Variants in DENND5B observed in about 807,000 individuals in gnomAD.
DENND5B encodes DENN domain-containing protein 5B.
DENND5B carries 34 observed loss-of-function variants against 140.6 expected under a neutral mutation model. That is an observed-to-expected ratio of 0.24 (90% CI 0.18 to 0.32). DENND5B has a LOEUF of 0.32. Ranked by LOEUF, DENND5B falls within the 10% of genes least tolerant of loss-of-function variation. The probability of loss-of-function intolerance (pLI) is 1.00; values close to 1 mark genes in which losing one functional copy is unlikely to be tolerated. For synonymous variants in DENND5B, 551 were observed against 562.1 expected (o/e 0.98, Z 0.28); for missense variants, 1,142 against 1,560.2 (o/e 0.73, Z 4.52).
intron 1 of DENND5B, among the ~76,000 whole-genome samples, chr12:31,575,468 T>A (rs1490405707): frequency 6.6e-6 from 1 of 152,194 alleles, no homozygotes; most frequent in African/African-American, 2.4e-5. Context: ...AAGGAAACAA[T>A]TCCTTTTTGC....
intron 1 of DENND5B, among the ~76,000 whole-genome samples, chr12:31,544,726 ATAAAC>A (rs2139192462): frequency 6.6e-6 from 1 of 152,352 alleles, no homozygotes; most frequent in African/African-American, 2.4e-5. Context: ...AAAGGCAAGA[ATAAAC>A]TAATGAAAAT....
intron 7 of DENND5B, among the ~76,000 whole-genome samples, chr12:31,437,511 A>G (rs1189953086): frequency 6.6e-6 from 1 of 152,200 alleles, no homozygotes; most frequent in Non-Finnish European, 1.5e-5. Flanking sequence ...TGTTCATCAC[A>G]GCATATAGAT....
intron 1 of DENND5B, among the ~76,000 whole-genome samples, chr12:31,540,300 A>G (rs1422816005): frequency 6.6e-6 from 1 of 152,122 alleles, no homozygotes; most frequent in African/African-American, 2.4e-5. Context: ...CCCCAAAGCA[A>G]TCTACAGATT....
At chr12:31,441,366 T>C (rs1944021074) in intron 7 of DENND5B, among the ~76,000 whole-genome samples, 1 of 152,084 alleles carries the variant, frequency 6.6e-6, no homozygotes, top group Non-Finnish European at 1.5e-5. Context: ...ATGTATTTTT[T>C]TGTAGAGACA....
At chr12:31,465,218 G>C (rs1945204562) in intron 3 of DENND5B, 1 of 152,332 alleles carries the variant, frequency 6.6e-6, no homozygotes, top group Admixed American at 6.5e-5. Flanking sequence ...AGCCATGGTG[G>C]TGCAGACCAG....
At chr12:31,466,569 T>A (rs1945277591) in intron 3 of DENND5B, among the ~76,000 whole-genome samples, 1 of 152,120 alleles carries the variant, frequency 6.6e-6, no homozygotes, top group Admixed American at 6.5e-5. Context: ...GGCATGCGCC[T>A]GTAGTCCCAG....
At chr12:31,539,304 A>G (rs990313266) in intron 1 of DENND5B, among the ~76,000 whole-genome samples, 4 of 152,168 alleles carry the variant, frequency 2.6e-5, no homozygotes, top group African/African-American at 9.6e-5. Flanking sequence ...TCTACCAAAC[A>G]TTTAAAGAAC....
chr12:31,530,388 A>C (rs892691539), intron 1 of DENND5B, among the ~76,000 whole-genome samples: 3 of 152,238 alleles, frequency 2.0e-5, no homozygotes, highest in East Asian at 1.9e-4. Context: ...AAATAAAAAT[A>C]AAAACAATAT....
intron 2 of DENND5B, among the ~76,000 whole-genome samples, chr12:31,495,411 C>A (rs1946722134): frequency 8.2e-6 from 1 of 121,254 alleles, no homozygotes; most frequent in Non-Finnish European, 1.8e-5. Flanking sequence ...CAGAGTCTCG[C>A]TCTGTTGCCC....
chr12:31,438,977 T>G (rs1002725773), intron 7 of DENND5B, among the ~76,000 whole-genome samples: 4 of 152,182 alleles, frequency 2.6e-5, no homozygotes, highest in Non-Finnish European at 4.4e-5. Context: ...TACTATACAC[T>G]CTGTGGAACA....
At position 31,590,811 on chromosome 12, in the gene DENND5B, G is replaced by A. The variant is rs1950595423; in HGVS notation, c.22C>T (p.Pro8Ser). 3.1e-6 allele frequency: 4 copies of A among 1,292,200 alleles called. No individual in the cohort carries two copies. The highest frequency in any genetic ancestry group is 2.4e-5 in the South Asian group (1 of 42,484). The allele number at this position is 1,292,200 out of a possible 1,614,324, so 80.0% of individuals were successfully genotyped here. A position where few individuals can be genotyped will look rare whatever the true frequency, so the allele number is the denominator to read the frequency against. Residue 8 changes from proline (P) to serine (S), a missense_variant, in exon 1 of 21, where the codon CCC (proline) becomes TCC (serine). Physicochemically the swap from Pro to Ser is moderately conservative, Grantham distance 74 (BLOSUM62 -1). Around this residue, in one of 5 missense-constraint regions of DENND5B, gnomAD observed 708 missense variants for 905.5 expected, o/e 0.78. Transcript: ENST00000389082. ...GGGGAGGAGCCCGAGCCCGGGCCGG[G>A]CGCCGCGCAGCTCCCGCTCATCCCG... MSGSCAA[P>S]GPGSGSSPAA...
chr12:31,590,792 G>A lies in DENND5B; in HGVS notation c.41C>T (p.Ser14Phe). 7.5e-7 allele frequency: 1 copy of A among 1,336,068 alleles called. No individual in the cohort carries two copies. Among genetic ancestry groups the A allele is most frequent in the Non-Finnish European group, 9.6e-7 (1 of 1,044,366 alleles). 82.8% of individuals were successfully genotyped at this position (1,336,068 alleles called of 1,614,324 possible). A position where few individuals can be genotyped will look rare whatever the true frequency, so the allele number is the denominator to read the frequency against. Residue 14 changes from serine to phenylalanine, a missense_variant, in exon 1 of 21, where the codon TCC becomes TTC. Ser to Phe is a radical substitution (Grantham distance 155). Coordinates refer to ENST00000389082, the MANE Select transcript of DENND5B (RefSeq NM_144973.4). Reference protein sequence around the residue: ...SCAAPGPGSGSSPAACRFAHY... With the variant: ...SCAAPGPGSGFSPAACRFAHY... ...CGCGAAGCGGCAGGCGGCCGGGGAG[G>A]AGCCCGAGCCCGGGCCGGGCGCCGC... is the stretch of plus-strand genomic sequence containing the variant.
intron 11 of DENND5B, among the ~76,000 whole-genome samples, chr12:31,419,097 G>C (rs757441562): frequency 2.6e-5 from 4 of 152,174 alleles, no homozygotes; most frequent in Non-Finnish European, 5.9e-5. Context: ...CTTTTATCTA[G>C]AGACCTAAAA....
At chr12:31,544,690 A>C (rs1237478779) in intron 1 of DENND5B, among the ~76,000 whole-genome samples, 1 of 152,206 alleles carries the variant, frequency 6.6e-6, no homozygotes, top group Non-Finnish European at 1.5e-5. Context: ...TCTCCTGTGC[A>C]TCAAAAGGAA....
chr12:31,540,352 A>C (rs1442287357), intron 1 of DENND5B, among the ~76,000 whole-genome samples: 1 of 152,162 alleles, frequency 6.6e-6, no homozygotes, highest in Admixed American at 6.5e-5. Flanking sequence ...TTCTTCACAA[A>C]AGTAGAAAAA....
chr12:31,508,727 C>A (rs1947299811), intron 1 of DENND5B, among the ~76,000 whole-genome samples: 1 of 152,178 alleles, frequency 6.6e-6, no homozygotes, highest in Non-Finnish European at 1.5e-5. Flanking sequence ...CATCTAAAGG[C>A]CTTCAAGGCC....
rs1171781218 is a variant in DENND5B, at chr12:31,415,383, G to A, written c.2536C>T (p.Leu846Phe). Residue 846 changes from leucine (L) to phenylalanine (F), a missense_variant, in exon 12 of 21, where the codon CTT becomes TTT. Leu to Phe is a conservative substitution (Grantham distance 22). Coordinates refer to ENST00000389082, the MANE Select transcript of DENND5B (RefSeq NM_144973.4). ...AACAAATACCTCATGTCCTGAATAAGAGAGACCCTGAGCGTTGGCAACATA... is the reference window on the plus strand; with the variant it reads ...AACAAATACCTCATGTCCTGAATAAAAGAGACCCTGAGCGTTGGCAACATA... ...GVMLPTLRVS[L>F]IQDMRHIQNM... 7 of 1,609,520 alleles carry A rather than the reference G, an allele frequency of 4.3e-6. No individual in the cohort carries two copies. The highest frequency in any genetic ancestry group is 1.6e-4 in the Middle Eastern group (1 of 6,072).
In DENND5B at chr12:31,483,973, C is replaced by T. The variant is rs546150360; in HGVS notation, c.238-3718G>A. 1.1e-3 allele frequency among the ~76,000 whole-genome samples: 160 copies of T among 151,340 alleles called. 1 individual carries two copies. The highest frequency in any genetic ancestry group is 8.8e-4 in the Non-Finnish European group (60 of 67,856). On this transcript the variant is annotated intron_variant, in intron 2 of 20. Transcript: ENST00000389082. ...TCCGCCTCCCAGGTTCAAGCCTCAG[C>T]CTCCCGAGTAGCTGGGACTACAGGC...
intron 3 of DENND5B, among the ~76,000 whole-genome samples, chr12:31,467,279 C>T (rs974130500): frequency 9.2e-5 from 14 of 152,052 alleles, no homozygotes; most frequent in African/African-American, 3.4e-4. Context: ...AGGAAGAAGA[C>T]TGATCTCAAA....
Sources: gnomAD v4.1 joint callset for allele counts (sites outside exome capture counted in the v4.1 genomes callset) on GRCh38, gnomAD v4.1.1 for gene constraint, gnomAD v4.1.1 regional missense constraint, MANE v1.5 for transcripts, NCBI Gene and HGNC (gene_info 2026-07-23, HGNC 2026-07-21) for gene names.